RNGTT: variants seen among roughly 807,000 people sequenced by gnomAD.
The protein encoded by RNGTT is mRNA-capping enzyme.
RNGTT carries 33 observed loss-of-function variants against 79.3 expected under a neutral mutation model. That is an observed-to-expected ratio of 0.42 (90% CI 0.32 to 0.56). The LOEUF (loss-of-function observed/expected upper bound fraction) is 0.56, where lower values mean the gene tolerates loss of function less well. RNGTT is among the 20% of genes least tolerant of loss of function. RNGTT has a pLI of 0.17. For missense variants in RNGTT, 497 were observed against 739.1 expected (o/e 0.67, Z 3.80); for synonymous variants, 222 against 235.9 (o/e 0.94, Z 0.54).
chr6:88,856,417 T>TACACACAC (rs138693589), intron 8 of RNGTT, among the ~76,000 whole-genome samples: 69 of 150,138 alleles, frequency 4.6e-4, no homozygotes, highest in African/African-American at 1.6e-3. Flanking sequence ...GTATTTATTT[T>TACACACAC]ACACACACAC....
chr6:88,768,660 C>G (rs532844353), intron 13 of RNGTT, among the ~76,000 whole-genome samples: 4 of 152,272 alleles, frequency 2.6e-5, no homozygotes, highest in African/African-American at 7.2e-5. Flanking sequence ...GCTTTAATCT[C>G]TTTGCTAGTA....
rs1024334677 is a variant in RNGTT at position 88,892,817 on chromosome 6, T to C, written c.685-902A>G. On this transcript the variant is annotated intron_variant, in intron 6 of 15. Transcript: ENST00000369485. ...CAACCTTCTGGCAAAGACCTGGCAA[T>C]CTGAGCCACTTGAGAAAAGAAAAAA... Among the ~76,000 whole-genome samples, 7 of 152,184 alleles carry C rather than the reference T, an allele frequency of 4.6e-5. No homozygotes were observed. The East Asian group carries it at 1.4e-3, about 29-fold the overall frequency.
At chr6:88,911,545 A>C (rs1457470344) in intron 4 of RNGTT, among the ~76,000 whole-genome samples, 1 of 152,168 alleles carries the variant, frequency 6.6e-6, no homozygotes, top group African/African-American at 2.4e-5. Context: ...TAATCATGCC[A>C]AGTATGTGCT....
intron 8 of RNGTT, among the ~76,000 whole-genome samples, chr6:88,882,810 C>G (rs940729306): frequency 6.6e-6 from 1 of 152,162 alleles, no homozygotes; most frequent in African/African-American, 2.4e-5. Flanking sequence ...GAAGATGCAG[C>G]AACAAGGCAT....
At chr6:88,709,123 C>A (rs1195002376) in intron 13 of RNGTT, among the ~76,000 whole-genome samples, 2 of 152,184 alleles carry the variant, frequency 1.3e-5, no homozygotes, top group East Asian at 3.9e-4. Flanking sequence ...GTCTGACGAA[C>A]ATGGTGAAAC....
intron 11 of RNGTT, among the ~76,000 whole-genome samples, chr6:88,833,855 C>A (rs1485826777): frequency 1.3e-5 from 2 of 152,034 alleles, no homozygotes; most frequent in African/African-American, 4.8e-5. Context: ...AACCCCATCT[C>A]TACTAAAAAG....
chr6:88,767,677 T>A (rs1778506390), intron 13 of RNGTT, among the ~76,000 whole-genome samples: 1 of 58,652 alleles, frequency 1.7e-5, no homozygotes, highest in African/African-American at 7.7e-5. Context: ...TTCACTTGTG[T>A]CAAAAAAAAA....
rs1406575745 is a variant in RNGTT at position 88,849,756 on chromosome 6, T to A, written c.1103A>T (p.Asn368Ile). Reference protein sequence around the residue: ...RYLIYDIIKFNSQPVGDCDFN... With the variant: ...RYLIYDIIKFISQPVGDCDFN... ...ATTTTATAAATTATAGGTACTTACA[T>A]TGAATTTAATTATGTCATATATCAA... Residue 368 changes from asparagine to isoleucine, a missense_variant and splice_region_variant, in exon 10 of 16, where the codon AAT (asparagine) becomes ATT (isoleucine). By Grantham distance (149) the Asn-to-Ile change is moderately radical. Around this residue, in one of 3 missense-constraint regions of RNGTT, gnomAD observed 440 missense variants for 671.5 expected, o/e 0.66. Transcript: ENST00000369485. 6.5e-7 allele frequency: 1 copy of A among 1,534,410 alleles called. No homozygotes were observed. Among genetic ancestry groups the A allele is most frequent in the Non-Finnish European group, 8.8e-7 (1 of 1,139,694 alleles).
intron 3 of RNGTT, 30 bp from the exon 4 acceptor site, chr6:88,929,103 AAAG>A: frequency 6.3e-7 from 1 of 1,592,186 alleles, no homozygotes; most frequent in African/African-American, 1.4e-5. Flanking sequence ...TTTTTTGAAA[AAAG>A]AGATTACAAA....
chr6:88,962,314 A>C (rs1254262844), intron 1 of RNGTT, among the ~76,000 whole-genome samples: 1 of 152,182 alleles, frequency 6.6e-6, no homozygotes, highest in Non-Finnish European at 1.5e-5. Context: ...AGATGAAAAA[A>C]ACTACAAGAA....
intron 14 of RNGTT, 81 bp from the exon 15 acceptor site, chr6:88,614,476 A>C: frequency 7.8e-7 from 1 of 1,288,232 alleles, no homozygotes; most frequent in Non-Finnish European, 1.1e-6. Context: ...GCACATTAGG[A>C]AATGATAAAA....
rs139146011 is a variant in RNGTT, at chr6:88,814,763, T to C, written c.1270-13131A>G. Among the ~76,000 whole-genome samples, 11 of 152,252 alleles carry C rather than the reference T, an allele frequency of 7.2e-5. No individual in the cohort carries two copies. In the East Asian group the frequency reaches 2.1e-3, roughly 29 times the overall value. ...ACTGCATAAATGACTAGTCTGGATG[T>C]CATGAGGGAGAAAAAGTAGAGAGAT... On this transcript the variant is annotated intron_variant, in intron 11 of 15. Coordinates refer to ENST00000369485, the MANE Select transcript of RNGTT (RefSeq NM_003800.5).
intron 1 of RNGTT, among the ~76,000 whole-genome samples, chr6:88,945,069 C>T (rs1022224487): frequency 1.3e-5 from 2 of 152,240 alleles, no homozygotes; most frequent in Non-Finnish European, 2.9e-5. Flanking sequence ...GATAGTCCTA[C>T]ATCTTCAATG....
intron 11 of RNGTT, among the ~76,000 whole-genome samples, chr6:88,813,391 C>G (rs1298409060): frequency 6.6e-6 from 1 of 152,128 alleles, no homozygotes; most frequent in Non-Finnish European, 1.5e-5. Flanking sequence ...GAACACACTC[C>G]CTAAACCTTT....
At chr6:88,833,434 C>T (rs189353410) in intron 11 of RNGTT, among the ~76,000 whole-genome samples, 92 of 152,006 alleles carry the variant, frequency 6.1e-4, no homozygotes, top group East Asian at 2.1e-3. Context: ...GGGTTGGGGG[C>T]TATGGGAGGG....
At chr6:88,873,351 T>G (rs1224138421) in intron 8 of RNGTT, among the ~76,000 whole-genome samples, 1 of 152,144 alleles carries the variant, frequency 6.6e-6, no homozygotes, top group Non-Finnish European at 1.5e-5. Context: ...CTCATAGAGA[T>G]TCAAGAAGCT....
intron 14 of RNGTT, among the ~76,000 whole-genome samples, chr6:88,659,610 TAA>T (rs111951040): frequency 6.9e-6 from 1 of 144,400 alleles, no homozygotes; most frequent in Non-Finnish European, 1.5e-5. Context: ...GAAAAAGAAT[TAA>T]AAAAAAAAAA....
intron 11 of RNGTT, among the ~76,000 whole-genome samples, chr6:88,807,471 G>T (rs1057043927): frequency 3.3e-5 from 5 of 151,868 alleles, no homozygotes; most frequent in African/African-American, 1.2e-4. Flanking sequence ...GAAGAGAAAA[G>T]TCACTAAACT....
intron 4 of RNGTT, among the ~76,000 whole-genome samples, chr6:88,928,451 C>A (rs1311417821): frequency 6.6e-6 from 1 of 152,120 alleles, no homozygotes; most frequent in Non-Finnish European, 1.5e-5. Context: ...TCTGTAAGAG[C>A]AGGATGTTTT....
Sources: gnomAD v4.1 joint callset for allele counts (sites outside exome capture counted in the v4.1 genomes callset) on GRCh38, gnomAD v4.1.1 for gene constraint, gnomAD v4.1.1 regional missense constraint, MANE v1.5 for transcripts, NCBI Gene and HGNC (gene_info 2026-07-23, HGNC 2026-07-21) for gene names.